The following PCDH7 variants were observed in gnomAD, a reference collection of about 807,000 sequenced individuals.
PCDH7 encodes the protein protocadherin-7.
Under a neutral mutation model 58.9 loss-of-function variants are expected in PCDH7, and 17 were observed. That is an observed-to-expected ratio of 0.29 (90% CI 0.20 to 0.43). The LOEUF is 0.43. Among genes scored for constraint, PCDH7 ranks in the 20% least tolerant of loss-of-function variants. The probability of loss-of-function intolerance (pLI) is 1.00; values close to 1 mark genes in which losing one functional copy is unlikely to be tolerated. For synonymous variants in PCDH7, 664 were observed against 616.4 expected (o/e 1.08, Z -1.14); for missense variants, 1,274 against 1,441.0 (o/e 0.88, Z 1.88).
At chr4:30,852,861 C>G (rs78610444) in intron 1 of PCDH7, among the ~76,000 whole-genome samples, 4 of 145,704 alleles carry the variant, frequency 2.7e-5, no homozygotes, top group Non-Finnish European at 6.0e-5. Context: ...AAAGAAGGCT[C>G]TGTTTGAGAA....
chr4:31,092,216 C>G (rs1217303788), intron 3 of PCDH7, among the ~76,000 whole-genome samples: 4 of 152,044 alleles, frequency 2.6e-5, no homozygotes, highest in Middle Eastern at 6.8e-3. Flanking sequence ...TGAGATTATT[C>G]TCTTCCGTAT....
At chr4:30,730,190 C>T (rs193157560) in intron 1 of PCDH7, among the ~76,000 whole-genome samples, 53 of 151,780 alleles carry the variant, frequency 3.5e-4, no homozygotes, top group South Asian at 1.2e-3. Flanking sequence ...AGTGTATAAT[C>T]GATTTCTAGA....
At chr4:30,760,348 C>G (rs1719858795) in intron 1 of PCDH7, among the ~76,000 whole-genome samples, 1 of 152,154 alleles carries the variant, frequency 6.6e-6, no homozygotes. Flanking sequence ...CGGCACAGGG[C>G]ACTTAGGCAA....
At chr4:31,001,014 C>T (rs1407069176) in intron 3 of PCDH7, among the ~76,000 whole-genome samples, 3 of 101,200 alleles carry the variant, frequency 3.0e-5, no homozygotes, top group East Asian at 1.0e-3. Flanking sequence ...ATGTAAGTGG[C>T]GGCAGTGTGG....
At chr4:31,000,247 T>C (rs939394475) in intron 3 of PCDH7, among the ~76,000 whole-genome samples, 1 of 152,080 alleles carries the variant, frequency 6.6e-6, no homozygotes, top group Non-Finnish European at 1.5e-5. Flanking sequence ...ATTTTAACGT[T>C]TAGAAAATAA....
intron 1 of PCDH7, among the ~76,000 whole-genome samples, chr4:30,791,461 A>G (rs1029271710): frequency 2.6e-5 from 4 of 152,184 alleles, no homozygotes; most frequent in African/African-American, 9.7e-5. Context: ...AAATGCCAGC[A>G]ATTATTAATT....
chr4:30,820,981 G>A (rs1728302308), intron 1 of PCDH7, among the ~76,000 whole-genome samples: 1 of 152,090 alleles, frequency 6.6e-6, no homozygotes. Context: ...TGACACTAAT[G>A]GCTTAAATAT....
At chr4:31,080,486 G>A (rs1208819956) in intron 3 of PCDH7, among the ~76,000 whole-genome samples, 1 of 151,986 alleles carries the variant, frequency 6.6e-6, no homozygotes, top group Non-Finnish European at 1.5e-5. Context: ...AGTTGACAAG[G>A]TATTATTAAA....
At chr4:30,779,346 A>G (rs763891814) in intron 1 of PCDH7, among the ~76,000 whole-genome samples, 33 of 152,082 alleles carry the variant, frequency 2.2e-4, no homozygotes, top group Admixed American at 3.3e-4. Context: ...TTCTGAAATT[A>G]TATTTCTACA....
At chr4:31,099,924 G>A (rs965197348) in intron 3 of PCDH7, among the ~76,000 whole-genome samples, 4 of 150,080 alleles carry the variant, frequency 2.7e-5, no homozygotes, top group Admixed American at 1.3e-4. Context: ...TACATTAAAA[G>A]CATTTAACTT....
chr4:30,730,338 T>C (rs1577565464), intron 1 of PCDH7, among the ~76,000 whole-genome samples: 2 of 152,240 alleles, frequency 1.3e-5, no homozygotes, highest in East Asian at 3.9e-4. Flanking sequence ...AAGCAGTGAC[T>C]CTTTTGCGGT....
Position 31,129,029 on chromosome 4 carries a change from G to A in PCDH7, c.*8-13444G>A, listed in dbSNP as rs1296410615. On this transcript the variant is annotated intron_variant, in intron 3 of 3. Coordinates refer to the PCDH7 transcript ENST00000509759. ...TAATTCTACCTGTGGCCATTGTGAA[G>A]GTAGATATAATCATCAGGGATGACA... 2.0e-5 allele frequency among the ~76,000 whole-genome samples: 3 copies of A among 152,154 alleles called. No individual in the cohort carries two copies. In the East Asian group the frequency reaches 5.8e-4, roughly 29 times the overall value.
chr4:31,050,720 A>G (rs963762156), intron 3 of PCDH7, among the ~76,000 whole-genome samples: 8 of 152,182 alleles, frequency 5.3e-5, no homozygotes, highest in Non-Finnish European at 1.0e-4. Flanking sequence ...TAATTAAGTT[A>G]CCTCTACTTC....
At chr4:31,013,909 T>A (rs1026243049) in intron 3 of PCDH7, among the ~76,000 whole-genome samples, 1 of 152,154 alleles carries the variant, frequency 6.6e-6, no homozygotes, top group African/African-American at 2.4e-5. Context: ...TGGAACATAT[T>A]TTTTTCTTCC....
At chr4:30,745,991 C>A (rs2109253102) in intron 1 of PCDH7, among the ~76,000 whole-genome samples, 1 of 152,176 alleles carries the variant, frequency 6.6e-6, no homozygotes, top group Non-Finnish European at 1.5e-5. Context: ...AGGCATGCAC[C>A]ACCACATCTG....
intron 3 of PCDH7, among the ~76,000 whole-genome samples, chr4:30,968,300 C>A (rs200600262): frequency 0.58 from 52,383 of 89,818 alleles, 14,619 homozygotes; most frequent in African/African-American, 0.7. Flanking sequence ...CTCTCTCTCT[C>A]TCTATATATA....
chr4:30,756,201 C>A (rs1438504593), intron 1 of PCDH7, among the ~76,000 whole-genome samples: 1 of 152,098 alleles, frequency 6.6e-6, no homozygotes, highest in Non-Finnish European at 1.5e-5. Context: ...GGAATTAATT[C>A]ATTCCCTTGG....
At chr4:30,858,991 A>G (rs1181773726) in intron 1 of PCDH7, among the ~76,000 whole-genome samples, 1 of 152,200 alleles carries the variant, frequency 6.6e-6, no homozygotes, top group Non-Finnish European at 1.5e-5. Flanking sequence ...TGTTTGGCCA[A>G]TAGTGTTACT....
Position 31,049,819 on chromosome 4 carries a change from T to C in PCDH7, c.*8-92654T>C, listed in dbSNP as rs181797771. Among the ~76,000 whole-genome samples the C allele has an allele frequency of 5.1e-4, 77 of 152,208 alleles. 1 individual carries two copies. The highest frequency in any genetic ancestry group is 4.5e-3 in the Admixed American group (69 of 15,262). ...CTCCAGTGAGGTCACGTGGACATAT[T>C]TGAACCAATCATTTTCATGAAAGAT... On this transcript the variant is annotated intron_variant, in intron 3 of 3. Transcript: ENST00000509759.
Sources: allele counts gnomAD v4.1 joint callset (sites outside exome capture counted in the v4.1 genomes callset), GRCh38; gene constraint gnomAD v4.1.1; transcripts MANE v1.5; gene names NCBI Gene and HGNC (gene_info 2026-07-23, HGNC 2026-07-21).